Variants in ZNF343 observed in about 807,000 individuals in gnomAD.
ZNF343 encodes the protein zinc finger protein 343.
In ZNF343, 11 loss-of-function variants were observed where a neutral mutation model predicts 13.8. That is an observed-to-expected ratio of 0.80 (90% CI 0.50 to 1.32). ZNF343 has a LOEUF of 1.32. Ranked by LOEUF, ZNF343 falls within the 40% of genes most tolerant of loss-of-function variation. The probability of loss-of-function intolerance (pLI) is 0.00; values close to 1 mark genes in which losing one functional copy is unlikely to be tolerated. For synonymous variants in ZNF343, 248 were observed against 260.0 expected (o/e 0.95, Z 0.44); for missense variants, 658 against 714.2 (o/e 0.92, Z 0.90).
chr20:2,484,040 GCTAAAACCTCGCCCGCA>G lies in ZNF343; in HGVS notation c.904_920del (p.Cys302ProfsTer28), dbSNP rs756318521. ...GGTGTCTGCTGAGGTTGGACTTCTG[GCTAAAACCTCGCCCGCA>G]CTCACTGCACACATAAGGCTTCTCC... is the stretch of plus-strand genomic sequence containing the variant. On this transcript the variant is annotated frameshift_variant, in exon 6 of 6. Transcript: ENST00000278772. LOFTEE classifies it low-confidence loss of function (END_TRUNC). 1 of 1,614,004 alleles carries G rather than the reference GCTAAAACCTCGCCCGCA, an allele frequency of 6.2e-7. No homozygotes were observed. Among genetic ancestry groups the G allele is most frequent in the South Asian group, 1.1e-5 (1 of 91,080 alleles).
At chr20:2,486,689 C>T (rs1013716873) in intron 5 of ZNF343, 1 of 151,968 alleles carries the variant, frequency 6.6e-6, no homozygotes, top group African/African-American at 2.4e-5. Context: ...TTGCTTGAAC[C>T]CGGGAGGCAA....
Position 2,483,236 on chromosome 20 carries a change from C to T in ZNF343, c.1725G>A (p.Lys575=), listed in dbSNP as rs2085199121. 1 of 1,612,928 alleles carries T rather than the reference C, an allele frequency of 6.2e-7. No individual in the cohort carries two copies. Among genetic ancestry groups the T allele is most frequent in the Non-Finnish European group, 8.5e-7 (1 of 1,179,614 alleles). ...GCCCACACTCCCTACAAACATAATG[C>T]TTCTCCCCTGAGTGTGTCCTCTGGT... is the stretch of plus-strand genomic sequence containing the variant. The part of the protein sequence containing the change: ...LVHQRTHSGE[K]HYVCRECGRG... Residue 575 remains lysine (K), a synonymous_variant, in exon 6 of 6, where the codon AAG becomes AAA. Transcript: ENST00000278772.
chr20:2,483,390 C>T lies in ZNF343; in HGVS notation c.1571G>A (p.Arg524Lys), dbSNP rs2085205731. 6.2e-7 allele frequency: 1 copy of T among 1,612,854 alleles called. No homozygotes were observed. Among genetic ancestry groups the T allele is most frequent in the East Asian group, 2.2e-5 (1 of 44,768 alleles). ...THSNEKPYICRECGRGFCDKS... is the reference protein window; with the variant it reads ...THSNEKPYICKECGRGFCDKS... The stretch of plus-strand genomic sequence containing the variant: ...GTCACAAAAGCCTCGCCCACATTCC[C>T]TGCAAATATAAGGCTTCTCATTTGA... The change falls in exon 6 of 6, where the codon AGG becomes AAG. Residue 524 changes from arginine to lysine, a missense_variant. Arg to Lys is a conservative substitution (Grantham distance 26). Coordinates refer to ENST00000278772, the MANE Select transcript of ZNF343 (RefSeq NM_024325.6).
chr20:2,497,612 G>C (rs2085482010), intron 2 of ZNF343, among the ~76,000 whole-genome samples: 1 of 152,204 alleles, frequency 6.6e-6, no homozygotes, highest in African/African-American at 2.4e-5. Context: ...TGGAGGGTGA[G>C]CTACAAAAGG....
chr20:2,489,144 A>T (rs1229946878), intron 5 of ZNF343, among the ~76,000 whole-genome samples: 4 of 152,346 alleles, frequency 2.6e-5, no homozygotes, highest in East Asian at 1.9e-4. Flanking sequence ...TATTGTGGTT[A>T]TGTAAGAATC....
intron 1 of ZNF343, among the ~76,000 whole-genome samples, chr20:2,506,048 G>A (rs1033110968): frequency 4.6e-5 from 7 of 152,244 alleles, no homozygotes; most frequent in Admixed American, 3.3e-4. Context: ...CTACTCATCT[G>A]ACAAAGGGCT....
At position 2,486,766 on chromosome 20, in the gene ZNF343, TA is replaced by T. The variant is rs879637263; in HGVS notation, c.305-2111del. The stretch of plus-strand genomic sequence containing the variant: ...GGGCAACAAGAGCGAAACTCCATCT[TA>T]AAAAAAAAAAAAAATGCAAGGAATA... On this transcript the variant is annotated intron_variant, in intron 5 of 5. Transcript: ENST00000278772. 593 of 139,068 alleles carry T rather than the reference TA, an allele frequency of 4.3e-3. 1 individual carries two copies. The highest frequency in any genetic ancestry group is 5.7e-3 in the African/African-American group (217 of 38,050). The allele number at this position is 139,068 out of a possible 1,614,324, so 8.6% of individuals were successfully genotyped here.
chr20:2,515,446 C>T (rs976933952), intron 1 of ZNF343, among the ~76,000 whole-genome samples: 13 of 152,284 alleles, frequency 8.5e-5, no homozygotes, highest in African/African-American at 3.1e-4. Context: ...GTGAAATCAG[C>T]TCAGAATTGT....
At chr20:2,490,146 T>C (rs1706304398) in intron 5 of ZNF343, among the ~76,000 whole-genome samples, 1 of 152,086 alleles carries the variant, frequency 6.6e-6, no homozygotes, top group Non-Finnish European at 1.5e-5. Flanking sequence ...GAGAATAAGC[T>C]TGTGGTTGCA....
Position 2,484,173 on chromosome 20 carries a change from A to C in ZNF343, c.788T>G (p.Leu263Arg). 6.2e-7 allele frequency: 1 copy of C among 1,614,198 alleles called. No homozygotes were observed. The highest frequency in any genetic ancestry group is 2.2e-5 in the East Asian group (1 of 44,888). ...GCAAATGTAGGGCTTCTTCCCTAAG[A>C]GGGTCCTCGGGTTTGTAATAAAGTT... is the stretch of plus-strand genomic sequence containing the variant. ...ESNFITNPRTLLGKKPYICSD... is the reference protein window; with the variant it reads ...ESNFITNPRTRLGKKPYICSD... Residue 263 changes from leucine (L) to arginine (R), a missense_variant, in exon 6 of 6, where the codon CTC (leucine) becomes CGC (arginine). Transcript: ENST00000278772.
chr20:2,501,796 C>T (rs906155507), intron 1 of ZNF343, among the ~76,000 whole-genome samples: 100 of 152,290 alleles, frequency 6.6e-4, no homozygotes, highest in Non-Finnish European at 1.1e-3. Flanking sequence ...GACATCCACA[C>T]CAAAACCCCA....
At chr20:2,521,294 C>T (rs1488777306) in intron 1 of ZNF343, among the ~76,000 whole-genome samples, 2 of 152,186 alleles carry the variant, frequency 1.3e-5, no homozygotes, top group African/African-American at 4.8e-5. Context: ...ATAATCAGGG[C>T]AGGCATAGAC....
intron 1 of ZNF343, among the ~76,000 whole-genome samples, chr20:2,502,429 AGG>A (rs1363372543): frequency 6.6e-6 from 1 of 152,234 alleles, no homozygotes; most frequent in African/African-American, 2.4e-5. Context: ...CTAGCAAGGC[AGG>A]CCAACACTGA....
At chr20:2,502,357 G>C (rs1450188336) in intron 1 of ZNF343, among the ~76,000 whole-genome samples, 3 of 152,202 alleles carry the variant, frequency 2.0e-5, no homozygotes, top group Admixed American at 6.5e-5. Context: ...GAAAGTGATG[G>C]GGAGAATGGA....
chr20:2,506,468 T>A (rs1430511371), intron 1 of ZNF343, among the ~76,000 whole-genome samples: 9 of 151,026 alleles, frequency 6.0e-5, no homozygotes, highest in African/African-American at 9.8e-5. Flanking sequence ...GGATTATAAA[T>A]CATGCTGCTA....
intron 1 of ZNF343, among the ~76,000 whole-genome samples, chr20:2,502,969 C>T (rs1390424328): frequency 1.3e-5 from 2 of 152,128 alleles, no homozygotes; most frequent in African/African-American, 4.8e-5. Context: ...ACCATATTAA[C>T]CTTAAATGTA....
chr20:2,499,272 C>T (rs536050290), intron 2 of ZNF343, among the ~76,000 whole-genome samples: 238 of 131,924 alleles, frequency 1.8e-3, no homozygotes, highest in South Asian at 3.2e-3. Flanking sequence ...GAGACCATCC[C>T]GGCTAAAACG....
At chr20:2,511,182 G>A (rs936384726), upstream of ZNF343, among the ~76,000 whole-genome samples, 6 of 150,594 alleles carry the variant, frequency 4.0e-5, no homozygotes, top group East Asian at 7.8e-4. Context: ...CATGATCACC[G>A]CTCATGTAGC....
At chr20:2,499,338 A>G (rs6114587) in intron 2 of ZNF343, among the ~76,000 whole-genome samples, 17,217 of 87,080 alleles carry the variant, frequency 0.2, 1,500 homozygotes, top group Non-Finnish European at 0.22. Context: ...AGTGGCGGGC[A>G]CCTGTAGTCC....
Sources: allele counts gnomAD v4.1 joint callset (sites outside exome capture counted in the v4.1 genomes callset), GRCh38; gene constraint gnomAD v4.1.1; transcripts MANE v1.5; gene names NCBI Gene and HGNC (gene_info 2026-07-23, HGNC 2026-07-21).